The following TTLL11 variants were observed in gnomAD, a reference collection of about 807,000 sequenced individuals.
TTLL11 encodes tubulin tyrosine ligase like 11.
Under a neutral mutation model 51.7 loss-of-function variants are expected in TTLL11, and 42 were observed. The observed-to-expected ratio is 0.81, with a 90% CI of 0.64 to 1.05. TTLL11 has a LOEUF of 1.05. TTLL11 is among the 50% of genes least tolerant of loss of function. The pLI is 0.00. For synonymous variants in TTLL11, 381 were observed against 383.5 expected (o/e 0.99, Z 0.08); for missense variants, 799 against 940.4 (o/e 0.85, Z 1.97).
chr9:121,908,491 C>T (rs560564677), intron 6 of TTLL11, among the ~76,000 whole-genome samples: 6 of 152,332 alleles, frequency 3.9e-5, no homozygotes, highest in South Asian at 4.1e-4. Context: ...GATCCTGCCA[C>T]GAGCTGGTGT....
chr9:121,958,002 C>A (rs988211913), intron 6 of TTLL11, among the ~76,000 whole-genome samples: 1 of 152,192 alleles, frequency 6.6e-6, no homozygotes, highest in Admixed American at 6.5e-5. Context: ...AGTCAGATAG[C>A]GTATGTCATG....
intron 3 of TTLL11, among the ~76,000 whole-genome samples, chr9:122,020,809 A>G (rs1406208903): frequency 6.6e-6 from 1 of 152,236 alleles, no homozygotes; most frequent in Non-Finnish European, 1.5e-5. Context: ...GTGACCAGCT[A>G]TAAACCAGGA....
At chr9:121,849,636 C>CATATAA (rs1837610121) in intron 8 of TTLL11, among the ~76,000 whole-genome samples, 1 of 152,100 alleles carries the variant, frequency 6.6e-6, no homozygotes, top group Non-Finnish European at 1.5e-5. Context: ...GACAAATAAG[C>CATATAA]GTATGTAAAG....
chr9:121,849,244 C>T (rs1837599243), intron 8 of TTLL11, among the ~76,000 whole-genome samples: 1 of 152,158 alleles, frequency 6.6e-6, no homozygotes, highest in South Asian at 2.1e-4. Context: ...ACACCTTTCA[C>T]AAAAATGAAG....
intron 4 of TTLL11, among the ~76,000 whole-genome samples, chr9:121,987,808 TC>T (rs948889787): frequency 7.2e-5 from 11 of 151,998 alleles, no homozygotes; most frequent in Non-Finnish European, 1.3e-4. Context: ...GAAATGTGAT[TC>T]CCACAGGTGT....
intron 6 of TTLL11, among the ~76,000 whole-genome samples, chr9:121,972,499 C>T (rs913592771): frequency 2.0e-5 from 3 of 152,190 alleles, no homozygotes; most frequent in Non-Finnish European, 2.9e-5. Flanking sequence ...TGGGATTGGC[C>T]CATGCAAACT....
chr9:122,061,379 A>T (rs1034709589), intron 1 of TTLL11, among the ~76,000 whole-genome samples: 1 of 152,192 alleles, frequency 6.6e-6, no homozygotes, highest in African/African-American at 2.4e-5. Flanking sequence ...GCATCCCACT[A>T]GTGATGGAAT....
intron 6 of TTLL11, among the ~76,000 whole-genome samples, chr9:121,872,931 G>C (rs1359728382): frequency 6.6e-6 from 1 of 152,194 alleles, no homozygotes; most frequent in African/African-American, 2.4e-5. Context: ...TTGAACTTAA[G>C]ACAGTAAATA....
At chr9:122,001,639 G>A (rs966177157) in intron 3 of TTLL11, among the ~76,000 whole-genome samples, 2 of 152,122 alleles carry the variant, frequency 1.3e-5, no homozygotes, top group Non-Finnish European at 2.9e-5. Flanking sequence ...ACAAGCCCAG[G>A]GTGGGCAGAG....
intron 6 of TTLL11, chr9:121,963,863 G>A (rs1290887356): frequency 6.6e-6 from 1 of 152,166 alleles, no homozygotes; most frequent in Non-Finnish European, 1.5e-5. Context: ...ACTTGAAAAT[G>A]TATGCACATT....
At chr9:121,847,346 C>T (rs1837547881) in intron 8 of TTLL11, among the ~76,000 whole-genome samples, 1 of 151,704 alleles carries the variant, frequency 6.6e-6, no homozygotes, top group Non-Finnish European at 1.5e-5. Flanking sequence ...ATCTCTAGCC[C>T]AGCTAACCAA....
At chr9:122,083,106 A>G (rs932128290) in intron 1 of TTLL11, among the ~76,000 whole-genome samples, 1 of 152,180 alleles carries the variant, frequency 6.6e-6, no homozygotes, top group Admixed American at 6.5e-5. Flanking sequence ...ATATGATATC[A>G]TGATGGTAAT....
chr9:121,830,537 G>A (rs534297574), intron 8 of TTLL11, among the ~76,000 whole-genome samples: 34 of 152,340 alleles, frequency 2.2e-4, no homozygotes, highest in African/African-American at 7.5e-4. Context: ...GGCTAAAAAT[G>A]TCTACATTTT....
At chr9:121,871,183 C>T (rs1049148206) in intron 6 of TTLL11, among the ~76,000 whole-genome samples, 2 of 150,874 alleles carry the variant, frequency 1.3e-5, no homozygotes, top group African/African-American at 2.4e-5. Context: ...CATCAGCTAC[C>T]GAATTCTAGG....
rs749499548 is a variant in TTLL11, at chr9:122,092,934, G to A, written c.215C>T (p.Ala72Val). The change falls in exon 1 of 9, where the codon GCG becomes GTG. Residue 72 changes from alanine (A) to valine (V), a missense_variant. Physicochemically the swap from Ala to Val is moderately conservative, Grantham distance 64. Coordinates refer to ENST00000321582, the MANE Select transcript of TTLL11 (RefSeq NM_001139442.2). The stretch of plus-strand genomic sequence containing the variant: ...GACCTGGGTGTTCCCCTCCTCAGCC[G>A]CACTGGGCTGCGCCGGGGCCGGGGC... ...VLAPAPAQPS[A>V]AEEGNTQVLQ... is the part of the protein sequence containing the mutation. 2 of 1,580,022 alleles carry A rather than the reference G, an allele frequency of 1.3e-6. No homozygotes were observed. Among genetic ancestry groups the A allele is most frequent in the Non-Finnish European group, 8.5e-7 (1 of 1,171,310 alleles).
At chr9:122,078,127 A>C (rs1341409848) in intron 1 of TTLL11, among the ~76,000 whole-genome samples, 1 of 152,214 alleles carries the variant, frequency 6.6e-6, no homozygotes, top group Non-Finnish European at 1.5e-5. Flanking sequence ...TGCTTTTATT[A>C]GCAAAGCAGC....
At chr9:121,869,815 G>T (rs1192737935) in intron 7 of TTLL11, among the ~76,000 whole-genome samples, 1 of 152,102 alleles carries the variant, frequency 6.6e-6, no homozygotes, top group African/African-American at 2.4e-5. Flanking sequence ...CTTGCCTTAG[G>T]GTTACTTGCC....
At chr9:122,001,259 C>T (rs1464069657) in intron 3 of TTLL11, among the ~76,000 whole-genome samples, 1 of 152,014 alleles carries the variant, frequency 6.6e-6, no homozygotes, top group African/African-American at 2.4e-5. Context: ...ACACACCTGG[C>T]CAATTTTTGT....
chr9:122,057,957 C>T (rs1845335974), intron 1 of TTLL11, among the ~76,000 whole-genome samples: 1 of 152,198 alleles, frequency 6.6e-6, no homozygotes, highest in East Asian at 1.9e-4. Context: ...GGCTCAGTCC[C>T]TGTCTTCAGG....
Sources: allele counts gnomAD v4.1 joint callset (sites outside exome capture counted in the v4.1 genomes callset), GRCh38; gene constraint gnomAD v4.1.1; transcripts MANE v1.5; gene names NCBI Gene and HGNC (gene_info 2026-07-23, HGNC 2026-07-21).